The following KNL1 variants were observed in gnomAD, a reference collection of about 807,000 sequenced individuals.
KNL1 encodes outer kinetochore KNL1 complex subunit KNL1.
Under a neutral mutation model 201.3 loss-of-function variants are expected in KNL1, and 66 were observed. The ratio of observed to expected loss-of-function variants is 0.33; its 90% CI spans 0.27 to 0.40. The LOEUF (loss-of-function observed/expected upper bound fraction) is 0.40, where lower values mean the gene tolerates loss of function less well. Among genes scored for constraint, KNL1 ranks in the 10% least tolerant of loss-of-function variants. The pLI is 1.00. For missense variants in KNL1, 2,815 were observed against 2,690.5 expected, an observed-to-expected ratio of 1.05 and a Z score of -1.02; for synonymous variants, 895 against 899.2, an observed-to-expected ratio of 1.00 and a Z score of 0.08.
intron 13 of KNL1, among the ~76,000 whole-genome samples, chr15:40,632,210 A>ACCCCCCCCCCC (rs34274284): frequency 2.3e-5 from 3 of 131,712 alleles, no homozygotes; most frequent in African/African-American, 5.8e-5. Context: ...ACATAGCGAG[A>ACCCCCCCCCCC]CCCCCCCCCA....
chr15:40,611,704 A>T (rs1892168130), intron 7 of KNL1, among the ~76,000 whole-genome samples, 193 bp downstream of exon 7: 1 of 151,914 alleles, frequency 6.6e-6, no homozygotes, highest in Non-Finnish European at 1.5e-5. Context: ...AAACAATATA[A>T]TATATAAACC....
At chr15:40,596,501 C>G (rs1013244954) in intron 1 of KNL1, among the ~76,000 whole-genome samples, 3 of 151,968 alleles carry the variant, frequency 2.0e-5, no homozygotes, top group African/African-American at 7.2e-5. Flanking sequence ...TGGTCTCGAA[C>G]TCTTGACCTC....
intron 20 of KNL1, 100 bp from the exon 21 acceptor site, chr15:40,651,905 C>G (rs3092980): frequency 1.5e-6 from 1 of 681,278 alleles, no homozygotes; most frequent in East Asian, 2.7e-5. Context: ...AGTGGAAAAA[C>G]ATTAGCAGCT....
intron 7 of KNL1, among the ~76,000 whole-genome samples, chr15:40,611,872 A>C: frequency 6.6e-6 from 1 of 152,194 alleles, no homozygotes; most frequent in Non-Finnish European, 1.5e-5. Context: ...AGAGAAGTAC[A>C]GATTTGATTA....
At chr15:40,606,498 T>C (rs773826946) in intron 4 of KNL1, 46 bp downstream of exon 4, 7 of 1,075,288 alleles carry the variant, frequency 6.5e-6, no homozygotes, top group Middle Eastern at 2.4e-4. Context: ...TTTTCAGTTA[T>C]ATTTTTAAGT....
chr15:40,622,633 C>G lies in KNL1; in HGVS notation c.2369C>G (p.Thr790Ser), dbSNP rs33931006. 32,041 of 1,597,306 alleles carry G rather than the reference C, an allele frequency of 0.02. 422 individuals are homozygous for G. The highest frequency in any genetic ancestry group is 0.035 in the Middle Eastern group (210 of 5,944). Reference sequence around the variant, plus strand: ...CTTGGTAAAACTAATTTAGAACACACTACTGGCCAGCTAACAACAATGAAC... The same window carrying G: ...CTTGGTAAAACTAATTTAGAACACAGTACTGGCCAGCTAACAACAATGAAC... ...QELGKTNLEH[T>S]TGQLTTMNRQ... Residue 790 changes from threonine to serine, a missense_variant, in exon 10 of 26, where the codon ACT (threonine) becomes AGT (serine). Physicochemically the swap from Thr to Ser is moderately conservative, Grantham distance 58. Coordinates refer to ENST00000399668, the MANE Select transcript of KNL1 (RefSeq NM_144508.5).
chr15:40,645,234 TACAC>T (rs1300872832), intron 15 of KNL1, 147 bp downstream of exon 15: 6 of 528,646 alleles, frequency 1.1e-5, no homozygotes, highest in Admixed American at 9.6e-5. Flanking sequence ...CTTATTTAAT[TACAC>T]ACAATTGTTA....
Position 40,605,169 on chromosome 15 carries a change from A to G in KNL1, c.75+20A>G, listed in dbSNP as rs150744935. ...TCTTCAGTAAGAAAGACTTTCTTGA[A>G]TTAATAATTGTCAGCTTTTATTTAA... is the stretch of plus-strand genomic sequence containing the variant. On this transcript the variant is annotated intron_variant, in intron 3 of 25. Coordinates refer to ENST00000399668, the MANE Select transcript of KNL1 (RefSeq NM_144508.5). 5.1e-4 allele frequency: 685 copies of G among 1,336,590 alleles called. 1 individual carries two copies. Among genetic ancestry groups the G allele is most frequent in the Admixed American group, 8.3e-4 (49 of 59,310 alleles). The allele number at this position is 1,336,590 out of a possible 1,614,324, so 82.8% of individuals were successfully genotyped here. A position where few individuals can be genotyped will look rare whatever the true frequency, so the allele number is the denominator to read the frequency against.
intron 13 of KNL1, among the ~76,000 whole-genome samples, chr15:40,636,147 A>G (rs1461487280): frequency 1.3e-5 from 2 of 152,164 alleles, no homozygotes; most frequent in Admixed American, 1.3e-4. Flanking sequence ...TGGTTGAGAA[A>G]TTATTGCAAG....
intron 22 of KNL1, among the ~76,000 whole-genome samples, chr15:40,656,548 C>G (rs563660204): frequency 6.6e-6 from 1 of 152,130 alleles, no homozygotes; most frequent in Non-Finnish European, 1.5e-5. Flanking sequence ...GTAGAAATGT[C>G]CTATCTTCAC....
chr15:40,612,069 G>T (rs1054919701), intron 7 of KNL1, among the ~76,000 whole-genome samples: 3 of 152,102 alleles, frequency 2.0e-5, no homozygotes, highest in African/African-American at 7.2e-5. Context: ...TGTAAACCAA[G>T]CACTTAGGGA....
chr15:40,608,660 G>A (rs566334938), intron 4 of KNL1, among the ~76,000 whole-genome samples, 187 bp from the exon 5 acceptor site: 25 of 150,958 alleles, frequency 1.7e-4, no homozygotes, highest in African/African-American at 5.1e-4. Context: ...CAGGAGAATC[G>A]CTTGAATCCG....
chr15:40,596,393 C>A (rs1595909526), intron 1 of KNL1, among the ~76,000 whole-genome samples: 2 of 152,220 alleles, frequency 1.3e-5, no homozygotes, highest in East Asian at 3.9e-4. Flanking sequence ...TCTCCTGCCT[C>A]AGCTTCCGCA....
intron 7 of KNL1, among the ~76,000 whole-genome samples, chr15:40,613,131 G>A (rs967611557): frequency 5.9e-5 from 9 of 151,908 alleles, no homozygotes; most frequent in African/African-American, 1.9e-4. Context: ...CTATGCAGCC[G>A]GAAAAAAAAT....
intron 24 of KNL1, among the ~76,000 whole-genome samples, chr15:40,658,407 T>TA (rs1893797003): frequency 6.6e-6 from 1 of 150,714 alleles, no homozygotes; most frequent in Admixed American, 6.6e-5. Flanking sequence ...CAGGTGCCTG[T>TA]AATCCCAGCT....
In KNL1 at chr15:40,663,993, C is replaced by T. The variant is rs1044312276; in HGVS notation, c.*1805C>T. On this transcript the variant is annotated 3_prime_UTR_variant, in exon 26 of 26. Coordinates refer to ENST00000399668, the MANE Select transcript of KNL1 (RefSeq NM_144508.5). Reference sequence around the variant, plus strand: ...AAAATCAAGATATAGATGTTCTGTTCCGTAAACTCCTTGAAAAACATTTTA... The same window carrying T: ...AAAATCAAGATATAGATGTTCTGTTTCGTAAACTCCTTGAAAAACATTTTA... 19 of 186,500 alleles carry T rather than the reference C, an allele frequency of 1.0e-4. No homozygotes were observed. The highest frequency in any genetic ancestry group is 4.4e-4 in the African/African-American group (19 of 42,874). 11.6% of individuals were successfully genotyped at this position (186,500 alleles called of 1,614,324 possible).
chr15:40,634,045 G>GGCTAATGA (rs1259661581), intron 13 of KNL1, among the ~76,000 whole-genome samples: 71 of 152,122 alleles, frequency 4.7e-4, no homozygotes, highest in Non-Finnish European at 8.2e-4. Flanking sequence ...TCTTGACCCT[G>GGCTAATGA]TGTAGGCCTA....
At chr15:40,627,201 A>G (rs910087966) in intron 10 of KNL1, among the ~76,000 whole-genome samples, 1 of 152,188 alleles carries the variant, frequency 6.6e-6, no homozygotes, top group East Asian at 1.9e-4. Context: ...AGCCCCCTTA[A>G]TAGCATTTAC....
At chr15:40,652,507 C>T (rs1454361482) in intron 21 of KNL1, among the ~76,000 whole-genome samples, 1 of 147,806 alleles carries the variant, frequency 6.8e-6, no homozygotes, top group Non-Finnish European at 1.5e-5. Flanking sequence ...CTGCAGCTCA[C>T]GCCTGTACTC....
Sources: gnomAD v4.1 joint callset for allele counts (sites outside exome capture counted in the v4.1 genomes callset) on GRCh38, gnomAD v4.1.1 for gene constraint, MANE v1.5 for transcripts, NCBI Gene and HGNC (gene_info 2026-07-23, HGNC 2026-07-21) for gene names.